Variants in CCDC15 observed in about 807,000 individuals in gnomAD.
CCDC15 encodes the protein coiled-coil domain-containing protein 15.
A neutral mutation model predicts 114.5 loss-of-function variants in CCDC15; 105 were observed. The ratio of observed to expected loss-of-function variants is 0.92; its 90% CI spans 0.78 to 1.08. The LOEUF is 1.08. Among genes scored for constraint, CCDC15 ranks in the 50% least tolerant of loss-of-function variants. The pLI is 0.00. For synonymous variants in CCDC15, 334 were observed against 377.8 expected, an observed-to-expected ratio of 0.88 and a Z score of 1.34; for missense variants, 1,105 against 1,093.6, an observed-to-expected ratio of 1.01 and a Z score of -0.15.
chr11:125,034,226 CA>C (rs898513135), intron 13 of CCDC15, among the ~76,000 whole-genome samples: 57 of 151,948 alleles, frequency 3.8e-4, no homozygotes, highest in African/African-American at 1.4e-3. Context: ...TTTCTTCCGG[CA>C]AAAAAAATTC....
chr11:125,010,403 A>T (rs1948581834), intron 13 of CCDC15, among the ~76,000 whole-genome samples: 1 of 144,274 alleles, frequency 6.9e-6, no homozygotes, highest in African/African-American at 2.6e-5. Flanking sequence ...TTTAAGATGG[A>T]GTCTCACTCT....
Position 124,981,995 on chromosome 11 carries a change from G to A in CCDC15, c.753+4395G>A, listed in dbSNP as rs146291092. On this transcript the variant is annotated intron_variant, in intron 6 of 15. Coordinates refer to ENST00000344762, the MANE Select transcript of CCDC15 (RefSeq NM_025004.3). Reference sequence around the variant, plus strand: ...CTTGTATTGGGTGCATATATATCTAGGATAGTTAGGTCTTCTTGTTCAATT... The same window carrying A: ...CTTGTATTGGGTGCATATATATCTAAGATAGTTAGGTCTTCTTGTTCAATT... Among the ~76,000 whole-genome samples, 5 of 152,166 alleles carry A rather than the reference G, an allele frequency of 3.3e-5. No individual in the cohort carries two copies. The East Asian group carries it at 9.7e-4, about 29-fold the overall frequency.
In CCDC15 at chr11:125,019,941, TG is replaced by T. The variant is rs58103041; in HGVS notation, c.2411+14738del. Among the ~76,000 whole-genome samples, 1,509 of 151,904 alleles carry T rather than the reference TG, an allele frequency of 9.9e-3. 22 individuals are homozygous for T. The highest frequency in any genetic ancestry group is 0.016 in the Non-Finnish European group (1,118 of 67,798). On this transcript the variant is annotated intron_variant, in intron 13 of 15. Coordinates refer to ENST00000344762, the MANE Select transcript of CCDC15 (RefSeq NM_025004.3). Reference sequence around the variant, plus strand: ...CAAATCGGTATTTGTCATTTCTATGTGGGGGGGGGCACAGTTCAAGTCCTCT... The same window carrying T: ...CAAATCGGTATTTGTCATTTCTATGTGGGGGGGGCACAGTTCAAGTCCTCT...
chr11:124,971,149 A>G (rs1947872947), intron 4 of CCDC15, among the ~76,000 whole-genome samples: 1 of 152,148 alleles, frequency 6.6e-6, no homozygotes, highest in Non-Finnish European at 1.5e-5. Flanking sequence ...TACCTGGGAT[A>G]TAGTCTCTAG....
At chr11:125,018,894 C>G (rs1238465990) in intron 13 of CCDC15, among the ~76,000 whole-genome samples, 1 of 151,706 alleles carries the variant, frequency 6.6e-6, no homozygotes, top group African/African-American at 2.4e-5. Context: ...TAGTATAAGA[C>G]AAAGTGGGAA....
intron 11 of CCDC15, among the ~76,000 whole-genome samples, chr11:124,993,646 GA>G (rs1286197252): frequency 6.6e-6 from 1 of 152,182 alleles, no homozygotes; most frequent in Non-Finnish European, 1.5e-5. Flanking sequence ...TATTTTACAT[GA>G]AATCCAAGAT....
chr11:124,985,662 A>AT (rs1208627886), intron 6 of CCDC15, among the ~76,000 whole-genome samples: 2 of 151,372 alleles, frequency 1.3e-5, no homozygotes, highest in African/African-American at 4.9e-5. Context: ...TGCTTTACCC[A>AT]TTTTTTAATT....
At chr11:125,035,572 A>G (rs1250212091) in intron 13 of CCDC15, among the ~76,000 whole-genome samples, 1 of 151,996 alleles carries the variant, frequency 6.6e-6, no homozygotes, top group Non-Finnish European at 1.5e-5. Context: ...GTTTATTTAC[A>G]TTCAATGTTA....
intron 4 of CCDC15, among the ~76,000 whole-genome samples, chr11:124,964,936 C>T (rs977560279): frequency 2.6e-5 from 4 of 151,708 alleles, no homozygotes; most frequent in Non-Finnish European, 4.4e-5. Flanking sequence ...TATGTGATGG[C>T]GTACGTTTAT....
intron 6 of CCDC15, among the ~76,000 whole-genome samples, chr11:124,979,133 C>T (rs1948024207): frequency 6.6e-6 from 1 of 152,114 alleles, no homozygotes; most frequent in Non-Finnish European, 1.5e-5. Flanking sequence ...TCTGGGCTCT[C>T]TATCTGTTCC....
intron 13 of CCDC15, among the ~76,000 whole-genome samples, chr11:125,014,452 A>G (rs1329888961): frequency 6.6e-6 from 1 of 152,234 alleles, no homozygotes; most frequent in Non-Finnish European, 1.5e-5. Context: ...ATGACACAAG[A>G]TACTAGTATT....
At chr11:124,977,815 A>G (rs1222663308) in intron 6 of CCDC15, among the ~76,000 whole-genome samples, 1 of 152,160 alleles carries the variant, frequency 6.6e-6, no homozygotes, top group Non-Finnish European at 1.5e-5. Context: ...AACTGTTACC[A>G]CAATCTAATT....
chr11:125,030,979 A>T (rs1340069443), intron 13 of CCDC15, among the ~76,000 whole-genome samples: 1 of 151,654 alleles, frequency 6.6e-6, no homozygotes. Flanking sequence ...CGTCCACATA[A>T]CTCTTCCCCA....
intron 6 of CCDC15, among the ~76,000 whole-genome samples, chr11:124,981,844 C>T (rs1017269107): frequency 3.9e-5 from 6 of 152,148 alleles, no homozygotes; most frequent in Admixed American, 6.5e-5. Context: ...TGGTTTTGAA[C>T]TCCTGATCTC....
chr11:124,993,153 T>A lies in CCDC15; in HGVS notation c.2140-16T>A, dbSNP rs1316841149. 2 of 1,548,256 alleles carry A rather than the reference T, an allele frequency of 1.3e-6. No homozygotes were observed. The highest frequency in any genetic ancestry group is 2.7e-5 in the African/African-American group (2 of 73,642). ...TCTGCTTAGACAATCAGTTTTGTAT[T>A]TTGTTGTTCCTTTAGAACAAGCATA... On this transcript the variant is annotated splice_polypyrimidine_tract_variant and intron_variant, in intron 10 of 15. Transcript: ENST00000344762.
chr11:124,962,292 T>TTG (rs1223485599), intron 4 of CCDC15, among the ~76,000 whole-genome samples: 1 of 152,228 alleles, frequency 6.6e-6, no homozygotes, highest in Non-Finnish European at 1.5e-5. Flanking sequence ...TTAGTACACG[T>TTG]CTCAGTTTTC....
At position 124,994,891 on chromosome 11, in the gene CCDC15, C is replaced by T. The variant is rs530927760; in HGVS notation, c.2214+1648C>T. Among the ~76,000 whole-genome samples, 27 of 152,266 alleles carry T rather than the reference C, an allele frequency of 1.8e-4. No individual in the cohort carries two copies. In the South Asian group the frequency reaches 4.6e-3, roughly 26 times the overall value. Reference sequence around the variant, plus strand: ...TTATGTTTTTAAAAATGAAGGCTTACGGCAACCAGCAGTGTTAGGCTGTGT... The same window carrying T: ...TTATGTTTTTAAAAATGAAGGCTTATGGCAACCAGCAGTGTTAGGCTGTGT... On this transcript the variant is annotated intron_variant, in intron 11 of 15. Coordinates refer to ENST00000344762, the MANE Select transcript of CCDC15 (RefSeq NM_025004.3).
chr11:125,015,744 T>G (rs1423849735), intron 13 of CCDC15, among the ~76,000 whole-genome samples: 3 of 152,190 alleles, frequency 2.0e-5, no homozygotes, highest in Non-Finnish European at 4.4e-5. Flanking sequence ...AGCATAACTT[T>G]AATACCAGCC....
At position 125,008,064 on chromosome 11, in the gene CCDC15, A is replaced by G. The variant is rs140505532; in HGVS notation, c.2411+2852A>G. Among the ~76,000 whole-genome samples the G allele has an allele frequency of 2.8e-3, 424 of 152,316 alleles. 2 individuals carry two copies. Among genetic ancestry groups the G allele is most frequent in the Non-Finnish European group, 5.0e-3 (341 of 68,032 alleles). On this transcript the variant is annotated intron_variant, in intron 13 of 15. Coordinates refer to ENST00000344762, the MANE Select transcript of CCDC15 (RefSeq NM_025004.3). Reference sequence around the variant, plus strand: ...TAAGTTTGTCAATATCCACGAAATAACTTGTTGAGATTTTTACTGAGATTG... The same window carrying G: ...TAAGTTTGTCAATATCCACGAAATAGCTTGTTGAGATTTTTACTGAGATTG...
Sources: gnomAD v4.1 joint callset for allele counts (sites outside exome capture counted in the v4.1 genomes callset) on GRCh38, gnomAD v4.1.1 for gene constraint, MANE v1.5 for transcripts, NCBI Gene and HGNC (gene_info 2026-07-23, HGNC 2026-07-21) for gene names.